OBP2B: variants seen among roughly 807,000 people sequenced by gnomAD.
OBP2B encodes the protein odorant-binding protein 2b.
Under a neutral mutation model 21.7 loss-of-function variants are expected in OBP2B, and 10 were observed. The observed-to-expected ratio is 0.46, with a 90% CI of 0.28 to 0.78. The LOEUF (loss-of-function observed/expected upper bound fraction) is 0.78, where lower values mean the gene tolerates loss of function less well. OBP2B is among the 30% of genes least tolerant of loss of function. The probability of loss-of-function intolerance (pLI) is 0.11; values close to 1 mark genes in which losing one functional copy is unlikely to be tolerated. For synonymous variants in OBP2B, 73 were observed against 91.5 expected (o/e 0.80, Z 1.16); for missense variants, 153 against 217.7 (o/e 0.70, Z 1.87).
chr9:133,215,174 T>G, the OBP2B span, among the ~76,000 whole-genome samples: 1 of 152,158 alleles, frequency 6.6e-6, no homozygotes, highest in Non-Finnish European at 1.5e-5. Flanking sequence ...CTACTTATAG[T>G]GGCTAAAAAA....
chr9:133,222,520 G>C, the OBP2B span, among the ~76,000 whole-genome samples: 1 of 152,144 alleles, frequency 6.6e-6, no homozygotes, highest in Admixed American at 6.5e-5. Flanking sequence ...TTGAGGTCAG[G>C]AGTTCAAGAT....
At chr9:133,215,677 C>T in the OBP2B span, among the ~76,000 whole-genome samples, 1 of 152,166 alleles carries the variant, frequency 6.6e-6, no homozygotes, top group African/African-American at 2.4e-5. Flanking sequence ...CACCACCATA[C>T]CCAGCTACAG....
At chr9:133,210,875 T>C (rs1199968957), upstream of OBP2B, among the ~76,000 whole-genome samples, 1 of 151,850 alleles carries the variant, frequency 6.6e-6, no homozygotes, top group Non-Finnish European at 1.5e-5. Flanking sequence ...AGGTTGGGGG[T>C]CAACCCATGG....
chr9:133,206,507 C>T (rs549360464), intron 4 of OBP2B, 91 bp from the exon 5 acceptor site: 3 of 1,540,522 alleles, frequency 1.9e-6, no homozygotes, highest in Admixed American at 1.8e-5. Context: ...CACGGCCCAG[C>T]ACCAGGACAG....
chr9:133,207,154 G>A (rs782567898), intron 4 of OBP2B, 72 bp downstream of exon 4: 87 of 1,050,564 alleles, frequency 8.3e-5, no homozygotes, highest in Non-Finnish European at 1.2e-4. Flanking sequence ...AGGGCATGGT[G>A]GTGCTGGTTC....
the OBP2B span, among the ~76,000 whole-genome samples, chr9:133,215,501 C>T: frequency 6.6e-6 from 1 of 151,874 alleles, no homozygotes; most frequent in Non-Finnish European, 1.5e-5. Context: ...AATCAGGCTA[C>T]CCTTTCTTTC....
intron 4 of OBP2B, 161 bp from the exon 5 acceptor site, chr9:133,206,577 C>A (rs1193652598): frequency 3.1e-4 from 266 of 846,086 alleles, no homozygotes; most frequent in Middle Eastern, 2.9e-3. Context: ...GAGGAGATGG[C>A]CACTGCCCAG....
At chr9:133,214,478 C>G in the OBP2B span, among the ~76,000 whole-genome samples, 1 of 152,214 alleles carries the variant, frequency 6.6e-6, no homozygotes, top group Non-Finnish European at 1.5e-5. Context: ...GGGAATGGTG[C>G]AGGAGGATGT....
the OBP2B span, among the ~76,000 whole-genome samples, chr9:133,216,043 G>A: frequency 6.6e-6 from 1 of 152,176 alleles, no homozygotes; most frequent in Non-Finnish European, 1.5e-5. Context: ...GATTTTAGAT[G>A]TGTCACCAAA....
At chr9:133,214,948 A>G in the OBP2B span, among the ~76,000 whole-genome samples, 1 of 152,218 alleles carries the variant, frequency 6.6e-6, no homozygotes, top group East Asian at 1.9e-4. Flanking sequence ...AAGACATACA[A>G]ATTGGAAAGG....
the OBP2B span, among the ~76,000 whole-genome samples, chr9:133,217,032 C>G: frequency 6.6e-6 from 1 of 151,732 alleles, no homozygotes; most frequent in African/African-American, 2.4e-5. Context: ...AGCATCATTT[C>G]AACAGATACA....
rs1833671325 is a variant in OBP2B, at chr9:133,205,408, G to A, written c.*5C>T. On this transcript the variant is annotated 3_prime_UTR_variant, in exon 7 of 7. Coordinates refer to ENST00000372034, the MANE Select transcript of OBP2B (RefSeq NM_014581.4). ...GGGCTCTGGAGGTGCAGACCCGGGG[G>A]CTGCTGTGCTGGGAAGAGGAGCAGA... The A allele has an allele frequency of 2.2e-6, 3 of 1,381,768 alleles. No homozygotes were observed. Among genetic ancestry groups the A allele is most frequent in the East Asian group, 2.5e-5 (1 of 39,910 alleles). The allele number at this position is 1,381,768 out of a possible 1,614,324, so 85.6% of individuals were successfully genotyped here.
intron 4 of OBP2B, 191 bp from the exon 5 acceptor site, chr9:133,206,607 A>C: frequency 1.5e-6 from 1 of 672,340 alleles, no homozygotes; most frequent in Non-Finnish European, 2.5e-6. Context: ...AAGGGGAGAG[A>C]CCCAAGAGTG....
chr9:133,220,469 G>A, the OBP2B span, among the ~76,000 whole-genome samples: 2 of 152,134 alleles, frequency 1.3e-5, no homozygotes, highest in Non-Finnish European at 2.9e-5. Flanking sequence ...CTGAATAATG[G>A]TCCCCTGAAG....
upstream of OBP2B, among the ~76,000 whole-genome samples, chr9:133,210,820 T>G (rs1465796710): frequency 6.6e-6 from 1 of 152,148 alleles, no homozygotes; most frequent in African/African-American, 2.4e-5. Context: ...TAGATACTGG[T>G]TGGGTTCAAC....
chr9:133,209,390 G>A, upstream of OBP2B: 1 of 793,056 alleles, frequency 1.3e-6, no homozygotes, highest in East Asian at 2.7e-5. The surrounding 1 kb of genome is among the most constrained non-coding windows in gnomAD (Gnocchi z 6.0). Context: ...CTGGCATCTG[G>A]TGAACAGCAA....
upstream of OBP2B, among the ~76,000 whole-genome samples, chr9:133,212,804 G>T (rs1243510136): frequency 6.6e-6 from 1 of 152,100 alleles, no homozygotes; most frequent in Non-Finnish European, 1.5e-5. Context: ...GGTGGTGCAC[G>T]CCTGTAATCC....
Position 133,208,710 on chromosome 9 carries a change from G to T in OBP2B, c.73-108C>A. Reference sequence around the variant, plus strand: ...CAGACACCCATGGTGCCCGGCTGCTGCCCTTAAAGGCAGGCTGTGTTCCTG... The same window carrying T: ...CAGACACCCATGGTGCCCGGCTGCTTCCCTTAAAGGCAGGCTGTGTTCCTG... On this transcript the variant is annotated intron_variant, in intron 1 of 6. Coordinates refer to ENST00000372034, the MANE Select transcript of OBP2B (RefSeq NM_014581.4). 4 of 1,515,142 alleles carry T rather than the reference G, an allele frequency of 2.6e-6. No individual in the cohort carries two copies. The Admixed American group carries it at 8.2e-5, about 31-fold the overall frequency. The allele number at this position is 1,515,142 out of a possible 1,614,324, so 93.9% of individuals were successfully genotyped here. A position where few individuals can be genotyped will look rare whatever the true frequency, so the allele number is the denominator to read the frequency against.
chr9:133,213,280 C>T (rs1245775109), upstream of OBP2B, among the ~76,000 whole-genome samples: 1 of 152,048 alleles, frequency 6.6e-6, no homozygotes, highest in Admixed American at 6.6e-5. Context: ...TTGTGAGACA[C>T]AGCTAAATCA....
Sources: gnomAD v4.1 joint callset for allele counts (sites outside exome capture counted in the v4.1 genomes callset) on GRCh38, gnomAD v4.1.1 for gene constraint, Gnocchi (gnomAD v3.1) non-coding constraint, MANE v1.5 for transcripts, NCBI Gene and HGNC (gene_info 2026-07-23, HGNC 2026-07-21) for gene names.